Variants in UPF3A observed in about 807,000 individuals in gnomAD.
The protein encoded by UPF3A is UPF3A regulator of nonsense mediated mRNA decay.
In UPF3A, 42 loss-of-function variants were observed where a neutral mutation model predicts 53.5. The observed-to-expected ratio is 0.78, with a 90% CI of 0.61 to 1.01. The LOEUF (loss-of-function observed/expected upper bound fraction) is 1.01. Ranked by LOEUF, UPF3A falls within the 50% of genes least tolerant of loss-of-function variation. The pLI, the probability that UPF3A is intolerant of heterozygous loss-of-function variation, is 0.00. For synonymous variants in UPF3A, 237 were observed against 225.3 expected (o/e 1.05, Z -0.47); for missense variants, 575 against 598.0 (o/e 0.96, Z 0.40).
intron 5 of UPF3A, 23 bp from the exon 6 acceptor site, chr13:114,291,466 A>G (rs1293484518): frequency 1.5e-5 from 23 of 1,573,670 alleles, no homozygotes; most frequent in African/African-American, 4.1e-5. Context: ...GTTAAATACA[A>G]TATTACAATT....
rs755893313 is a variant in UPF3A at position 114,286,507 on chromosome 13, T to C, written c.521-12T>C. On this transcript the variant is annotated splice_polypyrimidine_tract_variant and intron_variant, in intron 4 of 9. Coordinates refer to ENST00000375299, the MANE Select transcript of UPF3A (RefSeq NM_023011.4). Reference sequence around the variant, plus strand: ...GATTATATTTATTTTCTTCCTACTTTTTAATGTCTAGATCCAGAATATAAG... The same window carrying C: ...GATTATATTTATTTTCTTCCTACTTCTTAATGTCTAGATCCAGAATATAAG... 6.0e-5 allele frequency: 97 copies of C among 1,610,592 alleles called. No homozygotes were observed. The highest frequency in any genetic ancestry group is 7.5e-5 in the Non-Finnish European group (89 of 1,178,908).
Position 114,281,664 on chromosome 13 carries a change from G to C in UPF3A, c.25G>C (p.Gly9Arg). 6.6e-7 allele frequency: 1 copy of C among 1,521,952 alleles called. No homozygotes were observed. Among genetic ancestry groups the C allele is most frequent in the Non-Finnish European group, 8.8e-7 (1 of 1,136,230 alleles). The allele number at this position is 1,521,952 out of a possible 1,614,324, so 94.3% of individuals were successfully genotyped here. A position where few individuals can be genotyped will look rare whatever the true frequency, so the allele number is the denominator to read the frequency against. MRSEKEGAGGLRAAVAARG... is the reference protein window; with the variant it reads MRSEKEGARGLRAAVAARG... ...CATGCGCTCGGAAAAGGAGGGGGCC[G>C]GAGGCCTTCGGGCGGCCGTTGCCGC... The change falls in exon 1 of 10, where the codon GGA becomes CGA. Residue 9 changes from glycine (G) to arginine (R), a missense_variant. By Grantham distance (125) the Gly-to-Arg change is moderately radical (BLOSUM62 -2). This residue lies in a region of UPF3A where 252 missense variants were observed against 182.7 expected (regional missense o/e 1.38). Coordinates refer to ENST00000375299, the MANE Select transcript of UPF3A (RefSeq NM_023011.4).
rs748688644 is a variant in UPF3A at position 114,291,562 on chromosome 13, C to G, written c.687+18C>G. ...AAAAGCAGGTAGGTCTGGCCTTTAC[C>G]TGATGAACACCCTCCCTGCTTCTGC... On this transcript the variant is annotated intron_variant, in intron 6 of 9. Transcript: ENST00000375299. 1.2e-6 allele frequency: 2 copies of G among 1,607,022 alleles called. No homozygotes were observed. The highest frequency in any genetic ancestry group is 4.5e-5 in the East Asian group (2 of 44,814).
chr13:114,286,618 G>T lies in UPF3A; in HGVS notation c.620G>T (p.Arg207Ile), dbSNP rs755974941. The change falls in exon 5 of 10, where the codon AGA becomes ATA. Residue 207 changes from arginine (R) to isoleucine (I), a missense_variant. Transcript: ENST00000375299. Reference protein sequence around the residue: ...TLLGEMEAKTRELIARRTTPL... With the variant: ...TLLGEMEAKTIELIARRTTPL... ...CTGGGGGAGATGGAGGCGAAGACAA[G>T]AGAGCTCATTGGTCTGTTTTGCTCA... 8.1e-6 allele frequency: 13 copies of T among 1,612,718 alleles called. No individual in the cohort carries two copies. In the Admixed American group the frequency reaches 2.2e-4, roughly 27 times the overall value.
intron 5 of UPF3A, 48 bp downstream of exon 5, chr13:114,286,677 G>A (rs769029411): frequency 1.7e-5 from 25 of 1,459,920 alleles, no homozygotes; most frequent in African/African-American, 8.5e-5. Flanking sequence ...AGATTTACTC[G>A]TAGAGGATAT....
rs1460849801 is a variant in UPF3A, at chr13:114,304,783, T to C, written c.1303-6T>C. ...GGAAGAGTAACATGCCCTCTTATCC[T>C]GGCAGGACCGGCCAGCCTTGCAGCT... is the stretch of plus-strand genomic sequence containing the variant. On this transcript the variant is annotated splice_region_variant and splice_polypyrimidine_tract_variant and intron_variant, in intron 9 of 9. Coordinates refer to ENST00000375299, the MANE Select transcript of UPF3A (RefSeq NM_023011.4). 6.2e-7 allele frequency: 1 copy of C among 1,613,432 alleles called. No individual in the cohort carries two copies. Among genetic ancestry groups the C allele is most frequent in the Non-Finnish European group, 8.5e-7 (1 of 1,179,558 alleles).
At chr13:114,303,580 G>T (rs1204805212) in intron 9 of UPF3A, among the ~76,000 whole-genome samples, 1 of 152,136 alleles carries the variant, frequency 6.6e-6, no homozygotes. Context: ...GAGGTCAGGA[G>T]TTCGAGACCA....
chr13:114,282,196 GCCTTACGTTCCTTAC>G (rs2084142287), intron 2 of UPF3A, 69 bp downstream of exon 2: 1 of 1,331,856 alleles, frequency 7.5e-7, no homozygotes, highest in African/African-American at 1.5e-5. Flanking sequence ...CCGTCTCGTT[GCCTTACGTTCCTTAC>G]CCTGATTTCT....
Position 114,300,815 on chromosome 13 carries a change from A to C in UPF3A, c.1008-916A>C, listed in dbSNP as rs578077591. Reference sequence around the variant, plus strand: ...TGGTCTCCCAAAGTGCTGGGATTACAGGTGTGAGCCGCTGTGCCTGGCCTA... The same window carrying C: ...TGGTCTCCCAAAGTGCTGGGATTACCGGTGTGAGCCGCTGTGCCTGGCCTA... On this transcript the variant is annotated intron_variant, in intron 8 of 9. Transcript: ENST00000375299. Among the ~76,000 whole-genome samples, 5 of 151,790 alleles carry C rather than the reference A, an allele frequency of 3.3e-5. No individual in the cohort carries two copies. In the East Asian group the frequency reaches 7.8e-4, roughly 24 times the overall value.
rs1196287780 is a variant in UPF3A, at chr13:114,292,507, CAT to C, written c.846+716_846+717del. Among the ~76,000 whole-genome samples the C allele has an allele frequency of 6.8e-5, 10 of 148,084 alleles. 1 individual carries two copies. The highest frequency in any genetic ancestry group is 2.7e-4 in the Admixed American group (4 of 14,890). The stretch of plus-strand genomic sequence containing the variant: ...AAGGCGTACACGTGCAGGTGTGCCA[CAT>C]GTTTATTTTCGGTTCAAGGCGTACA... On this transcript the variant is annotated intron_variant, in intron 7 of 9. Coordinates refer to ENST00000375299, the MANE Select transcript of UPF3A (RefSeq NM_023011.4).
At chr13:114,297,455 C>G (rs2086158703) in intron 7 of UPF3A, among the ~76,000 whole-genome samples, 1 of 152,000 alleles carries the variant, frequency 6.6e-6, no homozygotes, top group Admixed American at 6.5e-5. Context: ...TTCCTTATTA[C>G]AAAACTAATA....
chr13:114,285,300 T>C (rs2084569332), intron 3 of UPF3A: 1 of 152,258 alleles, frequency 6.6e-6, no homozygotes, highest in Non-Finnish European at 1.5e-5. Flanking sequence ...TGGATGTGTC[T>C]GTCTACATGG....
intron 5 of UPF3A, 87 bp downstream of exon 5, chr13:114,286,716 TAAC>T (rs754793798): frequency 1.7e-4 from 190 of 1,106,688 alleles, no homozygotes; most frequent in Non-Finnish European, 2.3e-4. Context: ...TTGACTGTGA[TAAC>T]AAGTTGAAAC....
Position 114,301,807 on chromosome 13 carries a change from C to T in UPF3A, c.1084C>T (p.His362Tyr). 1 of 1,613,878 alleles carries T rather than the reference C, an allele frequency of 6.2e-7. No individual in the cohort carries two copies. Among genetic ancestry groups the T allele is most frequent in the Non-Finnish European group, 8.5e-7 (1 of 1,179,896 alleles). The stretch of plus-strand genomic sequence containing the variant: ...ACAAGAATCTGAAGCACAAAGATAC[C>T]ATGTGGATGACGGCAGGAGGCACAG... ...QEQESEAQRY[H>Y]VDDGRRHRAH... Residue 362 changes from histidine to tyrosine, a missense_variant, in exon 9 of 10, where the codon CAT becomes TAT. By Grantham distance (83) the His-to-Tyr change is moderately conservative (BLOSUM62 2). This residue lies in a region of UPF3A where 323 missense variants were observed against 415.2 expected (regional missense o/e 0.78). Transcript: ENST00000375299.
chr13:114,294,219 TAAAG>T lies in UPF3A; in HGVS notation c.846+2433_846+2436del, dbSNP rs919487338. Among the ~76,000 whole-genome samples the T allele has an allele frequency of 5.9e-5, 9 of 151,342 alleles. 1 individual carries two copies. The South Asian group carries it at 8.4e-4, about 14-fold the overall frequency. On this transcript the variant is annotated intron_variant, in intron 7 of 9. Transcript: ENST00000375299. ...TGCAAAAGAAGGTGTATCAACAGCTTAAAGAAAGACAGATGGCTCATGGCTATTT... is the reference window on the plus strand; with the variant it reads ...TGCAAAAGAAGGTGTATCAACAGCTTAAAGACAGATGGCTCATGGCTATTT...
intron 7 of UPF3A, among the ~76,000 whole-genome samples, chr13:114,292,941 C>T (rs767192990): frequency 5.9e-5 from 9 of 151,694 alleles, no homozygotes; most frequent in African/African-American, 2.2e-4. Flanking sequence ...GGTGTGGTGG[C>T]GGACGCCTTA....
At position 114,281,846 on chromosome 13, in the gene UPF3A, G is replaced by A; in HGVS notation, c.207G>A (p.Lys69=). ...AGGAGAAGAGGACGGCCCTGAGCAA[G>A]GTGGGGACGGGGGCGGGGCGCGCAA... ...PREEKRTALS[K]VVIRRLPPGL... Residue 69 remains lysine, a splice_region_variant and synonymous_variant, in exon 1 of 10, where the codon AAG becomes AAA. Transcript: ENST00000375299. The A allele has an allele frequency of 6.5e-7, 1 of 1,531,076 alleles. No homozygotes were observed. The highest frequency in any genetic ancestry group is 8.8e-7 in the Non-Finnish European group (1 of 1,137,610). The allele number at this position is 1,531,076 out of a possible 1,614,324, so 94.8% of individuals were successfully genotyped here. A position where few individuals can be genotyped will look rare whatever the true frequency, so the allele number is the denominator to read the frequency against.
At chr13:114,292,704 G>T (rs1443957280) in intron 7 of UPF3A, among the ~76,000 whole-genome samples, 2 of 152,130 alleles carry the variant, frequency 1.3e-5, no homozygotes, top group African/African-American at 4.8e-5. Flanking sequence ...TGTCACTGGG[G>T]TTTGGTGTGC....
rs1456195230 is a variant in UPF3A, at chr13:114,281,822, G to C, written c.183G>C (p.Glu61Asp). 3.9e-6 allele frequency: 6 copies of C among 1,545,416 alleles called. No individual in the cohort carries two copies. Among genetic ancestry groups the C allele is most frequent in the South Asian group, 1.2e-5 (1 of 83,822 alleles). Reference sequence around the variant, plus strand: ...GGGGCGGTGCGGGCAAACCTCGCGAGGAGAAGAGGACGGCCCTGAGCAAGG... The same window carrying C: ...GGGGCGGTGCGGGCAAACCTCGCGACGAGAAGAGGACGGCCCTGAGCAAGG... ...GCGGGAGKPR[E>D]EKRTALSKVV... Residue 61 changes from glutamate (E) to aspartate (D), a missense_variant, in exon 1 of 10, where the codon GAG (glutamate) becomes GAC (aspartate). Around this residue, in one of 2 missense-constraint regions of UPF3A, gnomAD observed 252 missense variants for 182.7 expected, o/e 1.38. Transcript: ENST00000375299.
Sources: gnomAD v4.1 joint callset for allele counts (sites outside exome capture counted in the v4.1 genomes callset) on GRCh38, gnomAD v4.1.1 for gene constraint, gnomAD v4.1.1 regional missense constraint, MANE v1.5 for transcripts, NCBI Gene and HGNC (gene_info 2026-07-23, HGNC 2026-07-21) for gene names.